Variants in TMTC1 observed in about 807,000 individuals in gnomAD.
TMTC1 encodes transmembrane O-mannosyltransferase targeting cadherins 1.
Under a neutral mutation model 104.8 loss-of-function variants are expected in TMTC1, and 73 were observed. The observed-to-expected ratio is 0.70, with a 90% CI of 0.58 to 0.85. The LOEUF (loss-of-function observed/expected upper bound fraction) is 0.85. Ranked by LOEUF, TMTC1 falls within the 40% of genes least tolerant of loss-of-function variation. The pLI is 0.00. For missense variants in TMTC1, 1,035 were observed against 1,096.1 expected (o/e 0.94, Z 0.79); for synonymous variants, 434 against 428.7 (o/e 1.01, Z -0.15).
chr12:29,754,663 A>C (rs980297891), intron 4 of TMTC1, among the ~76,000 whole-genome samples: 1 of 152,182 alleles, frequency 6.6e-6, no homozygotes, highest in Non-Finnish European at 1.5e-5. Flanking sequence ...CCTCTGGCTC[A>C]CGGTTTTCTT....
chr12:29,722,934 A>T (rs941970130), intron 5 of TMTC1, among the ~76,000 whole-genome samples: 78 of 120,446 alleles, frequency 6.5e-4, no homozygotes, highest in African/African-American at 2.4e-3. Context: ...AAAAAAAAAA[A>T]AGGAAGAAAG....
At chr12:29,659,246 T>C (rs1259180612) in intron 5 of TMTC1, among the ~76,000 whole-genome samples, 2 of 152,228 alleles carry the variant, frequency 1.3e-5, no homozygotes, top group African/African-American at 4.8e-5. Context: ...GGTTTGGATA[T>C]GGTTTGTTTG....
At chr12:29,636,335 C>T (rs1447397996) in intron 5 of TMTC1, among the ~76,000 whole-genome samples, 6 of 152,130 alleles carry the variant, frequency 3.9e-5, no homozygotes, top group African/African-American at 7.2e-5. Context: ...TTTCCACCTA[C>T]GGCTTGACTA....
In TMTC1 at chr12:29,553,199, AGGG is replaced by A. The variant is rs1945152542; in HGVS notation, c.1676+3655_1676+3657del. Among the ~76,000 whole-genome samples the A allele has an allele frequency of 4.6e-5, 7 of 152,340 alleles. No homozygotes were observed. In the South Asian group the frequency reaches 1.4e-3, roughly 32 times the overall value. ...GAAAGTGAACAGGAAAAGGAGTTCA[AGGG>A]TAGGGATTCAATCCTGGCTCTGCCA... On this transcript the variant is annotated intron_variant, in intron 10 of 17. Transcript: ENST00000539277.
At chr12:29,654,172 A>C (rs1010540888) in intron 5 of TMTC1, among the ~76,000 whole-genome samples, 6 of 152,190 alleles carry the variant, frequency 3.9e-5, no homozygotes, top group Non-Finnish European at 8.8e-5. Flanking sequence ...AAAGAAAGAA[A>C]ATGTGTTTAT....
intron 10 of TMTC1, among the ~76,000 whole-genome samples, chr12:29,556,410 G>GTATAT (rs1319527312): frequency 6.6e-6 from 1 of 152,134 alleles, no homozygotes; most frequent in Admixed American, 6.5e-5. Flanking sequence ...TTTTCCCAAA[G>GTATAT]TATATTATGG....
upstream of TMTC1, chr12:29,784,211 C>T (rs1477842176): frequency 6.5e-6 from 1 of 152,698 alleles, no homozygotes; most frequent in Non-Finnish European, 1.5e-5. Context: ...CCATCCTTCT[C>T]CCCCGAATGG....
chr12:29,715,587 A>G (rs568735780), intron 5 of TMTC1, among the ~76,000 whole-genome samples: 1 of 152,298 alleles, frequency 6.6e-6, no homozygotes, highest in Admixed American at 6.5e-5. Flanking sequence ...TATATATATG[A>G]ACTGATTTAG....
chr12:29,642,649 G>GC (rs1436863978), intron 5 of TMTC1, among the ~76,000 whole-genome samples: 6 of 152,102 alleles, frequency 3.9e-5, no homozygotes, highest in Non-Finnish European at 5.9e-5. Flanking sequence ...AAATAGGCCA[G>GC]GCGCAGTGGC....
rs1234700332 is a variant in TMTC1, at chr12:29,616,055, G to A, written c.1129-11756C>T. 3.3e-5 allele frequency among the ~76,000 whole-genome samples: 5 copies of A among 152,112 alleles called. No individual in the cohort carries two copies. In the East Asian group the frequency reaches 7.7e-4, roughly 24 times the overall value. ...GTTTGAGGAATGCCATTCATGATAC[G>A]CCCCTTTTGGAAACTCACAAGGCTT... On this transcript the variant is annotated intron_variant, in intron 6 of 17. Transcript: ENST00000539277.
intron 11 of TMTC1, chr12:29,535,007 T>C (rs1944604603): frequency 6.6e-6 from 1 of 152,198 alleles, no homozygotes; most frequent in Non-Finnish European, 1.5e-5. Context: ...CTAAGATAAC[T>C]ATCTGGAAGA....
chr12:29,668,124 C>A (rs1291100205), intron 5 of TMTC1, among the ~76,000 whole-genome samples: 1 of 152,238 alleles, frequency 6.6e-6, no homozygotes, highest in Admixed American at 6.5e-5. Context: ...ACAATGACTT[C>A]TGTCTTAGTC....
At chr12:29,698,643 T>TC (rs764084010) in intron 5 of TMTC1, among the ~76,000 whole-genome samples, 5 of 151,972 alleles carry the variant, frequency 3.3e-5, no homozygotes, top group African/African-American at 1.2e-4. Flanking sequence ...TTTGCCTCAT[T>TC]CCCCCCAAAC....
chr12:29,762,906 A>C, intron 2 of TMTC1, among the ~76,000 whole-genome samples: 1 of 152,194 alleles, frequency 6.6e-6, no homozygotes, highest in East Asian at 1.9e-4. Flanking sequence ...ACCTCCTTGA[A>C]CATTTAGCTC....
chr12:29,730,178 C>T (rs568449032), intron 5 of TMTC1, among the ~76,000 whole-genome samples: 4 of 152,150 alleles, frequency 2.6e-5, no homozygotes, highest in Non-Finnish European at 5.9e-5. Flanking sequence ...AAATATTTTA[C>T]CTGACAAAGT....
chr12:29,552,126 T>C (rs1320578923), intron 10 of TMTC1, among the ~76,000 whole-genome samples: 2 of 152,336 alleles, frequency 1.3e-5, no homozygotes, highest in African/African-American at 4.8e-5. Context: ...AGACTCATAT[T>C]TCTTTCGAAG....
intron 7 of TMTC1, among the ~76,000 whole-genome samples, chr12:29,601,861 G>A (rs1276583741): frequency 6.9e-6 from 1 of 144,444 alleles, no homozygotes; most frequent in African/African-American, 2.6e-5. Flanking sequence ...TTTTTTAGAC[G>A]GAGTCTTGCA....
chr12:29,526,217 T>G (rs964838187), intron 11 of TMTC1, among the ~76,000 whole-genome samples: 1 of 152,166 alleles, frequency 6.6e-6, no homozygotes, highest in Non-Finnish European at 1.5e-5. Context: ...AGTTTATCCC[T>G]CCTATGATGA....
chr12:29,544,538 A>G (rs1330113556), intron 10 of TMTC1, among the ~76,000 whole-genome samples: 2 of 152,140 alleles, frequency 1.3e-5, no homozygotes, highest in African/African-American at 4.8e-5. Flanking sequence ...CTTGGTGTCT[A>G]TCGTCATCCA....
Sources: gnomAD v4.1 joint callset for allele counts (sites outside exome capture counted in the v4.1 genomes callset) on GRCh38, gnomAD v4.1.1 for gene constraint, MANE v1.5 for transcripts, NCBI Gene and HGNC (gene_info 2026-07-23, HGNC 2026-07-21) for gene names.